Variants in DIAPH1 observed in about 807,000 individuals in gnomAD.
DIAPH1 encodes the protein diaphanous related formin 1.
A neutral mutation model predicts 140.7 loss-of-function variants in DIAPH1; 46 were observed. The ratio of observed to expected loss-of-function variants is 0.33; its 90% CI spans 0.26 to 0.42. DIAPH1 has a LOEUF of 0.42. Among genes scored for constraint, DIAPH1 ranks in the 10% least tolerant of loss-of-function variants. DIAPH1 has a pLI of 1.00. For synonymous variants in DIAPH1, 565 were observed against 551.6 expected, an observed-to-expected ratio of 1.02 and a Z score of -0.34; for missense variants, 1,310 against 1,558.7, an observed-to-expected ratio of 0.84 and a Z score of 2.69.
intron 1 of DIAPH1, among the ~76,000 whole-genome samples, chr5:141,607,367 T>C (rs1177209975): frequency 6.6e-6 from 1 of 152,202 alleles, no homozygotes; most frequent in East Asian, 1.9e-4. Flanking sequence ...TTTCTGAAAG[T>C]CTAAAAAGAT....
At chr5:141,531,963 C>T (rs780605384) in intron 19 of DIAPH1, among the ~76,000 whole-genome samples, 3 of 152,032 alleles carry the variant, frequency 2.0e-5, no homozygotes, top group Admixed American at 1.3e-4. Flanking sequence ...CTAAAAATTA[C>T]ACAGGATAAA....
intron 18 of DIAPH1, among the ~76,000 whole-genome samples, chr5:141,553,830 A>C (rs1031808302): frequency 6.6e-6 from 1 of 152,236 alleles, no homozygotes; most frequent in Non-Finnish European, 1.5e-5. Context: ...GGATTCACGA[A>C]GCCAACAGTT....
chr5:141,595,641 G>A, intron 1 of DIAPH1, among the ~76,000 whole-genome samples: 1 of 152,176 alleles, frequency 6.6e-6, no homozygotes, highest in East Asian at 1.9e-4. Context: ...AAAGCAGAAG[G>A]TGCCTGCTTC....
At chr5:141,562,673 C>T (rs2099893773) in intron 18 of DIAPH1, among the ~76,000 whole-genome samples, 1 of 148,914 alleles carries the variant, frequency 6.7e-6, no homozygotes, top group Non-Finnish European at 1.5e-5. Flanking sequence ...CCAGAGGAAA[C>T]ATTCTGTGGA....
chr5:141,556,342 T>C, intron 18 of DIAPH1, among the ~76,000 whole-genome samples: 1 of 152,212 alleles, frequency 6.6e-6, no homozygotes, highest in East Asian at 1.9e-4. Flanking sequence ...GCTGATACTC[T>C]AGAATCACCA....
intron 18 of DIAPH1, among the ~76,000 whole-genome samples, chr5:141,555,997 T>C (rs1409638348): frequency 6.6e-6 from 1 of 152,168 alleles, no homozygotes; most frequent in Non-Finnish European, 1.5e-5. Context: ...ACCTGTGCCC[T>C]TCCCTTGGGC....
At chr5:141,539,893 CTA>C (rs2099889710) in intron 18 of DIAPH1, among the ~76,000 whole-genome samples, 2 of 150,206 alleles carry the variant, frequency 1.3e-5, no homozygotes, top group African/African-American at 2.4e-5. Flanking sequence ...CTGATTGTCT[CTA>C]TTTTTTTTTT....
chr5:141,582,913 C>G (rs141281576), intron 6 of DIAPH1, among the ~76,000 whole-genome samples: 9 of 152,258 alleles, frequency 5.9e-5, no homozygotes, highest in African/African-American at 2.2e-4. Context: ...GATTACACAG[C>G]AGCACTAAAT....
intron 18 of DIAPH1, among the ~76,000 whole-genome samples, chr5:141,544,013 A>C (rs758784777): frequency 2.7e-4 from 41 of 152,184 alleles, no homozygotes; most frequent in Admixed American, 1.3e-4. Context: ...GTAAGACACA[A>C]AAAAAAGTAT....
rs536074415 is a variant in DIAPH1, at chr5:141,582,708, G to A, written c.621-333C>T. Among the ~76,000 whole-genome samples the A allele has an allele frequency of 2.4e-4, 36 of 152,326 alleles. No homozygotes were observed. The South Asian group carries it at 7.5e-3, about 32-fold the overall frequency. The stretch of plus-strand genomic sequence containing the variant: ...CCTTGCTACTAGAGGTTTCAAGTCT[G>A]AGAAGATATATGTAGGTCTTGGCCA... On this transcript the variant is annotated intron_variant, in intron 6 of 27. Transcript: ENST00000389054.
At chr5:141,538,057 G>GT (rs1285340660) in intron 18 of DIAPH1, among the ~76,000 whole-genome samples, 18 of 125,646 alleles carry the variant, frequency 1.4e-4, no homozygotes, top group Admixed American at 1.7e-4. Context: ...ATGCCTGGCT[G>GT]TTTTTTTGTT....
At chr5:141,574,439 A>C (rs1453410664) in intron 15 of DIAPH1, among the ~76,000 whole-genome samples, 3 of 152,226 alleles carry the variant, frequency 2.0e-5, no homozygotes, top group African/African-American at 7.2e-5. Context: ...TTAAGAAGAC[A>C]ATTTCAACCT....
intron 1 of DIAPH1, among the ~76,000 whole-genome samples, chr5:141,612,074 TAATAAATA>T (rs374105530): frequency 1.7e-3 from 254 of 151,446 alleles, no homozygotes; most frequent in Admixed American, 5.4e-3. Flanking sequence ...TCTCAAAAAA[TAATAAATA>T]AATAAATAAA....
In DIAPH1 at chr5:141,596,768, C is replaced by T. The variant is rs140680928; in HGVS notation, c.118-8518G>A. ...AATCCTACCCACGCACCTAGAGTTT[C>T]CAATCTGCTTTGTAATCCCTCATTC... is the stretch of plus-strand genomic sequence containing the variant. On this transcript the variant is annotated intron_variant, in intron 1 of 27. Transcript: ENST00000389054. Among the ~76,000 whole-genome samples the T allele has an allele frequency of 4.0e-3, 607 of 152,314 alleles. 4 individuals are homozygous for T. The highest frequency in any genetic ancestry group is 0.012 in the African/African-American group (508 of 41,562).
chr5:141,573,889 G>A lies in DIAPH1; in HGVS notation c.1961C>T (p.Pro654Leu), dbSNP rs1183177432. ...GCCAACACCCTCAGGCAAAGGAGGGGGTGGAGGGATGGTAGCATCCCCAGA... is the reference window on the plus strand; with the variant it reads ...GCCAACACCCTCAGGCAAAGGAGGGAGTGGAGGGATGGTAGCATCCCCAGA... ...PLSGDATIPP[P>L]PPLPEGVGIP... The change falls in exon 16 of 28, where the codon CCC (proline) becomes CTC (leucine). Residue 654 changes from proline to leucine, a missense_variant. Transcript: ENST00000389054. 2 of 1,546,326 alleles carry A rather than the reference G, an allele frequency of 1.3e-6. No homozygotes were observed. The highest frequency in any genetic ancestry group is 1.7e-6 in the Non-Finnish European group (2 of 1,145,100).
intron 27 of DIAPH1, among the ~76,000 whole-genome samples, chr5:141,520,835 A>T (rs537755198): frequency 2.6e-5 from 4 of 152,276 alleles, no homozygotes; most frequent in Admixed American, 2.6e-4. Flanking sequence ...CTGGACTTGG[A>T]GTCACAAAAG....
intron 27 of DIAPH1, among the ~76,000 whole-genome samples, chr5:141,520,671 A>C (rs1197185297): frequency 6.6e-6 from 1 of 152,180 alleles, no homozygotes; most frequent in Non-Finnish European, 1.5e-5. Flanking sequence ...ATAATACAAA[A>C]TAGACTAACA....
intron 18 of DIAPH1, among the ~76,000 whole-genome samples, chr5:141,571,077 A>G (rs1017375380): frequency 1.3e-5 from 2 of 152,206 alleles, no homozygotes; most frequent in African/African-American, 2.4e-5. Context: ...CTGTCTCATA[A>G]GGCTTCTCTG....
chr5:141,531,414 A>G (rs961645895), intron 19 of DIAPH1, among the ~76,000 whole-genome samples: 2 of 151,838 alleles, frequency 1.3e-5, no homozygotes, highest in African/African-American at 4.8e-5. Flanking sequence ...GCCTCAAGCA[A>G]TCCTCCACCC....
Sources: gnomAD v4.1 joint callset for allele counts (sites outside exome capture counted in the v4.1 genomes callset) on GRCh38, gnomAD v4.1.1 for gene constraint, MANE v1.5 for transcripts, NCBI Gene and HGNC (gene_info 2026-07-23, HGNC 2026-07-21) for gene names.